The following TENM2 variants were observed in gnomAD, a reference collection of about 807,000 sequenced individuals.
TENM2 encodes the protein teneurin transmembrane protein 2.
A neutral mutation model predicts 245.2 loss-of-function variants in TENM2; 52 were observed. The observed-to-expected ratio is 0.21, with a 90% CI of 0.17 to 0.27. The LOEUF (loss-of-function observed/expected upper bound fraction) is 0.27, where lower values mean the gene tolerates loss of function less well. Among genes scored for constraint, TENM2 ranks in the 10% least tolerant of loss-of-function variants. TENM2 has a pLI of 1.00. For missense variants in TENM2, 3,046 were observed against 3,666.8 expected (o/e 0.83, Z 4.37); for synonymous variants, 1,363 against 1,438.9 (o/e 0.95, Z 1.19).
chr5:167,078,441 C>T, the TENM2 span, among the ~76,000 whole-genome samples: 1 of 151,998 alleles, frequency 6.6e-6, no homozygotes, highest in Admixed American at 6.6e-5. Context: ...AGAGATCTCG[C>T]CATTGCACTC....
chr5:167,376,571 C>A (rs1185496853), intron 2 of TENM2, among the ~76,000 whole-genome samples: 1 of 152,092 alleles, frequency 6.6e-6, no homozygotes, highest in Non-Finnish European at 1.5e-5. Context: ...GTAAGTCGCA[C>A]ATACTCAAAA....
intron 2 of TENM2, among the ~76,000 whole-genome samples, chr5:167,507,397 G>A (rs924999406): frequency 3.3e-5 from 5 of 152,102 alleles, no homozygotes; most frequent in Non-Finnish European, 2.9e-5. Flanking sequence ...ATTTAATGAA[G>A]TATTTAAAAT....
chr5:167,547,037 G>C (rs1248596697), intron 2 of TENM2, among the ~76,000 whole-genome samples: 1 of 152,092 alleles, frequency 6.6e-6, no homozygotes, highest in Admixed American at 6.5e-5. Flanking sequence ...ACTTAAACTT[G>C]AAGTCCACTT....
At chr5:167,515,668 T>TATACATATATAC (rs1562019088) in intron 2 of TENM2, among the ~76,000 whole-genome samples, 5 of 35,624 alleles carry the variant, frequency 1.4e-4, no homozygotes, top group African/African-American at 3.4e-4. Flanking sequence ...TACGTATATA[T>TATACATATATAC]GTGTATATAT....
chr5:167,527,924 G>A (rs1378265771), intron 2 of TENM2, among the ~76,000 whole-genome samples: 1 of 152,112 alleles, frequency 6.6e-6, no homozygotes, highest in Admixed American at 6.6e-5. Context: ...ATGTCATGTA[G>A]CTTTTCTGAA....
chr5:166,997,559 G>A, the TENM2 span, among the ~76,000 whole-genome samples: 1 of 152,164 alleles, frequency 6.6e-6, no homozygotes, highest in East Asian at 1.9e-4. Context: ...ACATAAATGG[G>A]TAGCTTCTTA....
At chr5:167,910,402 G>A (rs10074148) in intron 3 of TENM2, among the ~76,000 whole-genome samples, 78,710 of 151,918 alleles carry the variant, frequency 0.52, 22,358 homozygotes, top group African/African-American at 0.77. Context: ...CCAAAACCTA[G>A]TATAATTGCC....
chr5:168,040,063 G>A (rs1788050352), intron 5 of TENM2, among the ~76,000 whole-genome samples: 1 of 152,142 alleles, frequency 6.6e-6, no homozygotes, highest in Non-Finnish European at 1.5e-5. Flanking sequence ...CTTTCCCTGT[G>A]GATTCTTCTT....
At chr5:167,583,510 A>ACACACACACACC (rs777180325) in intron 2 of TENM2, among the ~76,000 whole-genome samples, 14 of 150,008 alleles carry the variant, frequency 9.3e-5, no homozygotes, top group African/African-American at 2.2e-4. Flanking sequence ...ACACACACAC[A>ACACACACACACC]CCCCAAACCT....
At chr5:168,216,805 C>G in exon 22 of TENM2, 1 of 1,613,930 alleles carries the variant, frequency 6.2e-7, no homozygotes, top group Non-Finnish European at 8.5e-7. Context: ...TGTACTTTGT[C>G]GATGCCACCA....
At chr5:167,049,968 A>G in the TENM2 span, among the ~76,000 whole-genome samples, 103 of 152,296 alleles carry the variant, frequency 6.8e-4, no homozygotes, top group Middle Eastern at 3.4e-3. Flanking sequence ...ATGTAGTAGG[A>G]ACCAATTAAA....
the TENM2 span, among the ~76,000 whole-genome samples, chr5:167,106,614 A>G: frequency 1.3e-5 from 2 of 152,182 alleles, no homozygotes; most frequent in African/African-American, 4.8e-5. Flanking sequence ...CTCAACTTCT[A>G]TTTTTGAATG....
chr5:167,534,075 G>C (rs1334668114), intron 2 of TENM2, among the ~76,000 whole-genome samples: 1 of 152,150 alleles, frequency 6.6e-6, no homozygotes, highest in Admixed American at 6.5e-5. Context: ...GATCAGGTGA[G>C]GATAAGAGCT....
chr5:168,233,489 G>A (rs1004090614), intron 25 of TENM2, among the ~76,000 whole-genome samples: 1 of 152,214 alleles, frequency 6.6e-6, no homozygotes, highest in Non-Finnish European at 1.5e-5. Flanking sequence ...CCTTCTTAAT[G>A]TGTAAATGCT....
At chr5:168,130,613 C>T (rs937380791) in intron 12 of TENM2, among the ~76,000 whole-genome samples, 20 of 152,188 alleles carry the variant, frequency 1.3e-4, no homozygotes, top group African/African-American at 4.6e-4. Flanking sequence ...ATACTGGGAC[C>T]TAGGCCAGGT....
intron 23 of TENM2, among the ~76,000 whole-genome samples, chr5:168,225,833 A>G (rs1428354815): frequency 1.3e-5 from 2 of 152,174 alleles, no homozygotes; most frequent in Non-Finnish European, 2.9e-5. Flanking sequence ...TCTCTAACTA[A>G]CTAGAGGAAG....
chr5:168,019,761 T>A (rs1416105623), intron 5 of TENM2, among the ~76,000 whole-genome samples: 1 of 152,222 alleles, frequency 6.6e-6, no homozygotes, highest in Admixed American at 6.5e-5. Context: ...TTCATGCATG[T>A]AATGAAAAAA....
chr5:167,020,656 T>C, the TENM2 span, among the ~76,000 whole-genome samples: 1 of 152,206 alleles, frequency 6.6e-6, no homozygotes, highest in Admixed American at 6.5e-5. Flanking sequence ...TAGGTTTTTA[T>C]TGGTGTGAGT....
chr5:168,129,961 A>G (rs1284773171), intron 12 of TENM2: 1 of 152,234 alleles, frequency 6.6e-6, no homozygotes, highest in Non-Finnish European at 1.5e-5. Flanking sequence ...TGTGGGAGTT[A>G]GTGTTGGACA....
Sources: allele counts gnomAD v4.1 joint callset (sites outside exome capture counted in the v4.1 genomes callset), GRCh38; gene constraint gnomAD v4.1.1; transcripts MANE v1.5; gene names NCBI Gene and HGNC (gene_info 2026-07-23, HGNC 2026-07-21).